The following ARHGEF10 variants were observed in gnomAD, a reference collection of about 807,000 sequenced individuals.
ARHGEF10 encodes the protein Rho guanine nucleotide exchange factor 10.
Under a neutral mutation model 147.4 loss-of-function variants are expected in ARHGEF10, and 140 were observed. That is an observed-to-expected ratio of 0.95 (90% confidence interval 0.83 to 1.09). The LOEUF (loss-of-function observed/expected upper bound fraction) is 1.09, where lower values mean the gene tolerates loss of function less well. Ranked by LOEUF, ARHGEF10 falls within the 50% of genes least tolerant of loss-of-function variation. The pLI, the probability that ARHGEF10 is intolerant of heterozygous loss-of-function variation, is 0.00. For synonymous variants in ARHGEF10, 902 were observed against 695.8 expected (o/e 1.30, Z -4.67); for missense variants, 2,222 against 1,752.7 (o/e 1.27, Z -4.78).
At position 1,905,682 on chromosome 8, in the gene ARHGEF10, A is replaced by G. The variant is rs1341312582; in HGVS notation, c.1933A>G (p.Asn645Asp). ...CAAAGAACGCCGAGTCTTCATGTTA[A>G]ATGATGTGTTAATGTGTGCCACCGT... ...KTKERRVFML[N>D]DVLMCATVSS... Residue 645 changes from asparagine (N) to aspartate (D), a missense_variant, in exon 17 of 29, where the codon AAT becomes GAT. Physicochemically the swap from Asn to Asp is conservative, Grantham distance 23 (BLOSUM62 1). Coordinates refer to ENST00000349830, the MANE Select transcript of ARHGEF10 (RefSeq NM_014629.4). 8 of 1,614,180 alleles carry G rather than the reference A, an allele frequency of 5.0e-6. No homozygotes were observed. The highest frequency in any genetic ancestry group is 6.8e-6 in the Non-Finnish European group (8 of 1,180,038).
chr8:1,865,926 G>C (rs933916499), intron 5 of ARHGEF10, among the ~76,000 whole-genome samples: 1 of 152,198 alleles, frequency 6.6e-6, no homozygotes, highest in Non-Finnish European at 1.5e-5. Flanking sequence ...TGCCTCTCAT[G>C]GGGCGATGCT....
chr8:1,861,080 G>A (rs1318520016), intron 4 of ARHGEF10, among the ~76,000 whole-genome samples: 1 of 152,204 alleles, frequency 6.6e-6, no homozygotes, highest in Non-Finnish European at 1.5e-5. Flanking sequence ...CGAGGACTGT[G>A]GGTGCCCTCG....
intron 26 of ARHGEF10, among the ~76,000 whole-genome samples, chr8:1,942,963 G>A (rs184454829): frequency 6.6e-6 from 1 of 152,162 alleles, no homozygotes; most frequent in Non-Finnish European, 1.5e-5. Flanking sequence ...AAATGTTCTG[G>A]AATTCAAGAG....
At chr8:1,902,498 TC>T (rs1810547101) in intron 15 of ARHGEF10, among the ~76,000 whole-genome samples, 1 of 152,074 alleles carries the variant, frequency 6.6e-6, no homozygotes, top group Admixed American at 6.6e-5. Flanking sequence ...GTAGCTCAAC[TC>T]CCTTTTTTTA....
At chr8:1,899,944 T>A (rs1810319793) in intron 15 of ARHGEF10, among the ~76,000 whole-genome samples, 1 of 152,068 alleles carries the variant, frequency 6.6e-6, no homozygotes, top group African/African-American at 2.4e-5. Context: ...TACGGGCGGG[T>A]GAACCAGCCC....
intron 2 of ARHGEF10, among the ~76,000 whole-genome samples, chr8:1,845,631 C>T (rs1804498219): frequency 1.3e-5 from 2 of 152,198 alleles, no homozygotes; most frequent in Admixed American, 1.3e-4. Flanking sequence ...GGCGGAAACA[C>T]CGTTTTCTCA....
chr8:1,876,831 A>G, intron 8 of ARHGEF10, 97 bp downstream of exon 8: 1 of 1,347,292 alleles, frequency 7.4e-7, no homozygotes, highest in African/African-American at 1.4e-5. Context: ...CTTCATAGTG[A>G]TTTGTTAAGA....
chr8:1,843,585 A>G, intron 2 of ARHGEF10, 149 bp downstream of exon 2: 2 of 711,054 alleles, frequency 2.8e-6, no homozygotes, highest in South Asian at 3.1e-5. Context: ...TTCTGACGTG[A>G]GCCTGGGTGC....
In ARHGEF10 at chr8:1,929,311, G is replaced by T; in HGVS notation, c.2947G>T (p.Gly983Cys). 1.2e-6 allele frequency: 2 copies of T among 1,614,134 alleles called. No individual in the cohort carries two copies. The highest frequency in any genetic ancestry group is 1.7e-6 in the Non-Finnish European group (2 of 1,180,018). Residue 983 changes from glycine (G) to cysteine (C), a missense_variant, in exon 25 of 29, where the codon GGC becomes TGC. Transcript: ENST00000349830. ...CATTTCCATTTATAAAAGCAGTCAA[G>T]GCTCCAAGAAAGTGAGACTTCAGCA... Reference protein sequence around the residue: ...GSISIYKSSQGSKKVRLQHFF... With the variant: ...GSISIYKSSQCSKKVRLQHFF...
intron 28 of ARHGEF10, among the ~76,000 whole-genome samples, chr8:1,954,230 A>G (rs1429127142): frequency 6.6e-6 from 1 of 151,994 alleles, no homozygotes; most frequent in African/African-American, 2.4e-5. Context: ...AGTAGCTGGG[A>G]TTACAGGCAC....
rs149296158 is a variant in ARHGEF10 at position 1,866,153 on chromosome 8, G to A, written c.546-373G>A. ...TGGACATGGAGACGGCCCATTGCCC[G>A]CTGGCATCTCTCCCACCCAGCGTTG... On this transcript the variant is annotated intron_variant, in intron 5 of 28. Transcript: ENST00000349830. 7.0e-3 allele frequency among the ~76,000 whole-genome samples: 1,059 copies of A among 152,278 alleles called. 17 individuals are homozygous for A. Among genetic ancestry groups the A allele is most frequent in the African/African-American group, 0.024 (1,005 of 41,554 alleles).
chr8:1,879,801 C>G (rs1259560954), intron 8 of ARHGEF10, among the ~76,000 whole-genome samples: 4 of 152,094 alleles, frequency 2.6e-5, no homozygotes, highest in African/African-American at 9.7e-5. Context: ...GATCCTCCCA[C>G]CTCCGCCTCC....
At chr8:1,897,786 C>T (rs904665529) in intron 14 of ARHGEF10, among the ~76,000 whole-genome samples, 7 of 152,300 alleles carry the variant, frequency 4.6e-5, no homozygotes, top group Middle Eastern at 3.4e-3. Flanking sequence ...TGGCCGTGAC[C>T]GCAGTGCCCA....
chr8:1,876,520 C>T (rs766178844), intron 7 of ARHGEF10, 51 bp from the exon 8 acceptor site: 54 of 1,567,312 alleles, frequency 3.4e-5, no homozygotes, highest in Non-Finnish European at 4.6e-5. Flanking sequence ...CACAAAACAG[C>T]CCACATGGAA....
chr8:1,908,505 T>TA (rs1044152842), intron 17 of ARHGEF10, among the ~76,000 whole-genome samples: 2 of 152,158 alleles, frequency 1.3e-5, no homozygotes, highest in African/African-American at 4.8e-5. Context: ...GTGCTGGGAT[T>TA]ACAGGCGTGA....
chr8:1,906,189 T>C (rs1001565995), intron 17 of ARHGEF10, among the ~76,000 whole-genome samples: 1 of 152,232 alleles, frequency 6.6e-6, no homozygotes, highest in African/African-American at 2.4e-5. Context: ...GCATGGAATA[T>C]TGTAGTGAGA....
chr8:1,918,827 GGAGCTGTTCTGTGGGTGATA>G (rs1173122921), intron 18 of ARHGEF10, among the ~76,000 whole-genome samples: 3 of 152,134 alleles, frequency 2.0e-5, no homozygotes, highest in Non-Finnish European at 4.4e-5. Flanking sequence ...TGTGGGTGAT[GGAGCTGTTCTGTGGGTGATA>G]GAGCTGTTAT....
chr8:1,834,535 T>C (rs959149911), intron 1 of ARHGEF10, among the ~76,000 whole-genome samples: 4 of 152,126 alleles, frequency 2.6e-5, no homozygotes, highest in Non-Finnish European at 5.9e-5. Context: ...CCCAGGACAG[T>C]GGGGTTCTCC....
At chr8:1,884,759 A>AT (rs1251208371) in intron 10 of ARHGEF10, among the ~76,000 whole-genome samples, 1 of 152,040 alleles carries the variant, frequency 6.6e-6, no homozygotes, top group Non-Finnish European at 1.5e-5. Flanking sequence ...AAAAAAATGA[A>AT]TGTAGGCGTT....
Sources: allele counts gnomAD v4.1 joint callset (sites outside exome capture counted in the v4.1 genomes callset), GRCh38; gene constraint gnomAD v4.1.1; transcripts MANE v1.5; gene names NCBI Gene and HGNC (gene_info 2026-07-23, HGNC 2026-07-21).